The following FAT1 variants were observed in gnomAD, a reference collection of about 807,000 sequenced individuals.
FAT1 encodes the protein protocadherin Fat 1.
In FAT1, 171 loss-of-function variants were observed where a neutral mutation model predicts 329.8. That is an observed-to-expected ratio of 0.52 (90% confidence interval 0.46 to 0.59). The LOEUF is 0.59. Ranked by LOEUF, FAT1 falls within the 20% of genes least tolerant of loss-of-function variation. FAT1 has a pLI of 0.00. For missense variants in FAT1, 5,672 were observed against 5,774.4 expected (o/e 0.98, Z 0.57); for synonymous variants, 2,233 against 2,228.6 (o/e 1.00, Z -0.06).
intron 26 of FAT1, among the ~76,000 whole-genome samples, chr4:186,590,983 CTACACTTACCCCATGTCTGTAAT>C (rs1290890411): frequency 1.3e-5 from 2 of 152,224 alleles, no homozygotes; most frequent in East Asian, 3.8e-4. Flanking sequence ...GAGACCACGG[CTACACTTACCCCATGTCTGTAAT>C]TACACTTGCC....
At chr4:186,606,038 AC>A in intron 17 of FAT1, 31 bp downstream of exon 17, 1 of 1,592,976 alleles carries the variant, frequency 6.3e-7, no homozygotes. Context: ...ATTTCAAAGA[AC>A]CCCAGGACCA....
rs564798325 is a variant in FAT1, at chr4:186,589,416, G to C, written c.13139-196C>G. Among the ~76,000 whole-genome samples the C allele has an allele frequency of 2.0e-5, 3 of 152,244 alleles. No homozygotes were observed. In the East Asian group the frequency reaches 5.8e-4, roughly 29 times the overall value. ...CCAGTTTAAAGACCCCTATGAACTA[G>C]GCTCTAGTTCTAAAATGTGGACTTA... On this transcript the variant is annotated intron_variant, in intron 26 of 26. Coordinates refer to ENST00000441802, the MANE Select transcript of FAT1 (RefSeq NM_005245.4).
At chr4:186,673,949 C>T (rs1414867264) in intron 2 of FAT1, among the ~76,000 whole-genome samples, 1 of 152,174 alleles carries the variant, frequency 6.6e-6, no homozygotes, top group Non-Finnish European at 1.5e-5. Context: ...AACTTATCAT[C>T]TGGACACCTG....
At chr4:186,700,949 C>A (rs1247390676) in intron 2 of FAT1, among the ~76,000 whole-genome samples, 1 of 152,178 alleles carries the variant, frequency 6.6e-6, no homozygotes, top group African/African-American at 2.4e-5. Context: ...CCACCCCACA[C>A]CTCCAGGTCC....
At chr4:186,722,045 T>C (rs1745490335) in intron 1 of FAT1, among the ~76,000 whole-genome samples, 1 of 152,116 alleles carries the variant, frequency 6.6e-6, no homozygotes, top group Admixed American at 6.5e-5. Context: ...TCCATGTTGG[T>C]CAGGTTGGTC....
chr4:186,695,981 G>C (rs528284040), intron 2 of FAT1, among the ~76,000 whole-genome samples: 1 of 152,308 alleles, frequency 6.6e-6, no homozygotes, highest in South Asian at 2.1e-4. Flanking sequence ...AGTAGAGACA[G>C]GGTTTCACCA....
At chr4:186,635,714 C>T (rs1740789243) in intron 6 of FAT1, among the ~76,000 whole-genome samples, 1 of 152,116 alleles carries the variant, frequency 6.6e-6, no homozygotes, top group Non-Finnish European at 1.5e-5. Flanking sequence ...AATAAATAAA[C>T]AGTAAGAAGC....
At chr4:186,699,201 T>C (rs966915325) in intron 2 of FAT1, among the ~76,000 whole-genome samples, 4 of 152,312 alleles carry the variant, frequency 2.6e-5, no homozygotes, top group Admixed American at 1.3e-4. Flanking sequence ...GATAAGAATA[T>C]GGTTAAATTA....
intron 2 of FAT1, among the ~76,000 whole-genome samples, chr4:186,669,360 A>G (rs1285432388): frequency 6.6e-6 from 1 of 152,188 alleles, no homozygotes; most frequent in Non-Finnish European, 1.5e-5. Context: ...AGCGGTCGTG[A>G]TGCTGCTGCG....
At chr4:186,597,597 C>A in intron 24 of FAT1, 85 bp downstream of exon 24, 1 of 894,860 alleles carries the variant, frequency 1.1e-6, no homozygotes, top group South Asian at 1.4e-5. Flanking sequence ...TAATGTAGTT[C>A]AAATCACTGA....
chr4:186,687,154 C>T (rs1454985064), intron 2 of FAT1, among the ~76,000 whole-genome samples: 1 of 152,050 alleles, frequency 6.6e-6, no homozygotes, highest in East Asian at 1.9e-4. Flanking sequence ...GAATATGATC[C>T]CAAAAAGTTG....
At chr4:186,617,436 T>C (rs1000025998) in intron 10 of FAT1, among the ~76,000 whole-genome samples, 9 of 152,208 alleles carry the variant, frequency 5.9e-5, no homozygotes, top group African/African-American at 1.9e-4. Context: ...AAACTATAGA[T>C]GTTTTTAATT....
intron 2 of FAT1, among the ~76,000 whole-genome samples, chr4:186,700,649 G>C (rs1744263010): frequency 6.6e-6 from 1 of 152,218 alleles, no homozygotes; most frequent in South Asian, 2.1e-4. Context: ...AGCATCCGTA[G>C]ATCATTCTTC....
intron 7 of FAT1, among the ~76,000 whole-genome samples, chr4:186,633,172 AAC>A (rs1740667746): frequency 6.6e-6 from 1 of 152,238 alleles, no homozygotes; most frequent in South Asian, 2.1e-4. Context: ...ACAGGATTTT[AAC>A]ACTTAAGTTT....
In FAT1 at chr4:186,600,652, TA is replaced by T. The variant is rs1470620885; in HGVS notation, c.11641-293del. Among the ~76,000 whole-genome samples the T allele has an allele frequency of 1.6e-4, 24 of 152,342 alleles. No individual in the cohort carries two copies. The Middle Eastern group carries it at 0.014, about 86-fold the overall frequency. The stretch of plus-strand genomic sequence containing the variant: ...AAAAGTCAAAACTGAATAATGTTTT[TA>T]AAAAAGGTGGGCAAGATACATAACA... On this transcript the variant is annotated intron_variant, in intron 21 of 26. Coordinates refer to ENST00000441802, the MANE Select transcript of FAT1 (RefSeq NM_005245.4).
chr4:186,643,235 G>A (rs576838542), intron 3 of FAT1, among the ~76,000 whole-genome samples: 39 of 152,156 alleles, frequency 2.6e-4, no homozygotes, highest in Non-Finnish European at 4.4e-4. Flanking sequence ...CCCACGGCAG[G>A]AAGCTCTGCT....
intron 2 of FAT1, among the ~76,000 whole-genome samples, chr4:186,705,747 C>T (rs1004752437): frequency 2.0e-5 from 3 of 152,334 alleles, no homozygotes; most frequent in East Asian, 1.9e-4. Context: ...GTGCAACACA[C>T]GCACTTTCTA....
intron 2 of FAT1, among the ~76,000 whole-genome samples, chr4:186,691,022 T>C (rs1743733866): frequency 1.3e-5 from 2 of 152,246 alleles, no homozygotes; most frequent in Non-Finnish European, 2.9e-5. Flanking sequence ...ACAGTACTAT[T>C]GGGCAGTGCT....
chr4:186,709,450 A>AT lies in FAT1; in HGVS notation c.377dup (p.Asn126LysfsTer3). The stretch of plus-strand genomic sequence containing the variant: ...CCTTTGTTCGCGCCTCCACATTAGT[A>AT]TTTTTTTCAAGTGCTTTCACTATCA... On this transcript the variant is annotated frameshift_variant, in exon 2 of 27. Coordinates refer to ENST00000441802, the MANE Select transcript of FAT1 (RefSeq NM_005245.4). LOFTEE classifies it high-confidence loss of function. The AT allele has an allele frequency of 6.2e-7, 1 of 1,613,794 alleles. No homozygotes were observed. The highest frequency in any genetic ancestry group is 8.5e-7 in the Non-Finnish European group (1 of 1,179,874).
Sources: allele counts gnomAD v4.1 joint callset (sites outside exome capture counted in the v4.1 genomes callset), GRCh38; gene constraint gnomAD v4.1.1; transcripts MANE v1.5; gene names NCBI Gene and HGNC (gene_info 2026-07-23, HGNC 2026-07-21).